AP1G1: variants seen among roughly 807,000 people sequenced by gnomAD.
AP1G1 encodes the protein AP-1 complex subunit gamma-1.
In AP1G1, 7 loss-of-function variants were observed where a neutral mutation model predicts 108.3. The observed-to-expected ratio is 0.06, with a 90% confidence interval of 0.04 to 0.12. AP1G1 has a LOEUF of 0.12. Among genes scored for constraint, AP1G1 ranks in the 10% least tolerant of loss-of-function variants. The pLI, the probability that AP1G1 is intolerant of heterozygous loss-of-function variation, is 1.00. For synonymous variants in AP1G1, 379 were observed against 353.5 expected, an observed-to-expected ratio of 1.07 and a Z score of -0.81; for missense variants, 756 against 1,010.7, an observed-to-expected ratio of 0.75 and a Z score of 3.42.
At chr16:71,736,098 C>CAAAAAAAAAAA (rs1213680207) in intron 21 of AP1G1, among the ~76,000 whole-genome samples, 263 of 25,406 alleles carry the variant, frequency 0.01, 47 homozygotes, top group East Asian at 0.012. Context: ...GACTCCATCT[C>CAAAAAAAAAAA]AAAAAAAAAA....
chr16:71,762,225 A>G (rs562442099), intron 9 of AP1G1, among the ~76,000 whole-genome samples: 1 of 152,216 alleles, frequency 6.6e-6, no homozygotes, highest in African/African-American at 2.4e-5. Flanking sequence ...CCTTGAAGAC[A>G]TTATGTTAAA....
chr16:71,800,606 C>A (rs1440744078), intron 1 of AP1G1, among the ~76,000 whole-genome samples: 17 of 150,904 alleles, frequency 1.1e-4, no homozygotes, highest in African/African-American at 4.2e-4. Context: ...TGGAGACCAT[C>A]CTGGCTAACA....
intron 6 of AP1G1, among the ~76,000 whole-genome samples, chr16:71,768,498 C>CTCAAAAAAAAAA (rs1555554271): frequency 2.0e-4 from 1 of 4,926 alleles, no homozygotes; most frequent in Non-Finnish European, 4.0e-4. Context: ...CAGACTCCGC[C>CTCAAAAAAAAAA]ACAAAAAAAA....
chr16:71,739,485 A>G, intron 19 of AP1G1, 144 bp from the exon 20 acceptor site: 1 of 615,284 alleles, frequency 1.6e-6, no homozygotes, highest in Non-Finnish European at 2.7e-6. Context: ...AAAGAGAAAG[A>G]ACTAAAAACT....
intron 19 of AP1G1, among the ~76,000 whole-genome samples, chr16:71,744,151 G>A (rs2030032048): frequency 6.6e-6 from 1 of 152,034 alleles, no homozygotes; most frequent in Non-Finnish European, 1.5e-5. Flanking sequence ...GGCTGAGGCA[G>A]AAGAATCGCT....
chr16:71,772,435 T>C (rs560837197), intron 4 of AP1G1, among the ~76,000 whole-genome samples: 27 of 152,214 alleles, frequency 1.8e-4, no homozygotes, highest in Non-Finnish European at 3.5e-4. Flanking sequence ...AGCCTATCTT[T>C]TTTTTCTAAC....
In AP1G1 at chr16:71,803,923, C is replaced by CAAA. The variant is rs534074123; in HGVS notation, c.-4+4837_-4+4839dup. ...TGGGCAACAGAGGAGGACTCCGTCTCAAAAAAAAAAAAAAAAAAGACACCT... is the reference window on the plus strand; with the variant it reads ...TGGGCAACAGAGGAGGACTCCGTCTCAAAAAAAAAAAAAAAAAAAAAGACACCT... On this transcript the variant is annotated intron_variant, in intron 1 of 22. Transcript: ENST00000299980. Among the ~76,000 whole-genome samples the CAAA allele has an allele frequency of 2.6e-3, 191 of 73,622 alleles. 3 individuals carry two copies. The South Asian group carries it at 0.027, about 10-fold the overall frequency. The allele number at this position is 73,622 out of a possible 152,430, so 48.3% of individuals were successfully genotyped here. A position where few individuals can be genotyped will look rare whatever the true frequency, so the allele number is the denominator to read the frequency against.
At chr16:71,792,096 T>C (rs2032424317) in intron 1 of AP1G1, among the ~76,000 whole-genome samples, 2 of 152,036 alleles carry the variant, frequency 1.3e-5, no homozygotes, top group Admixed American at 6.6e-5. Flanking sequence ...TGGCTGAAGG[T>C]AGTCTCACCT....
intron 2 of AP1G1, among the ~76,000 whole-genome samples, chr16:71,785,720 A>C (rs2032178856): frequency 6.6e-6 from 1 of 152,034 alleles, no homozygotes; most frequent in Non-Finnish European, 1.5e-5. Flanking sequence ...TCTCTACTAA[A>C]AACACAAAAA....
intron 4 of AP1G1, 94 bp from the exon 5 acceptor site, chr16:71,771,346 A>G (rs2031561528): frequency 1.5e-6 from 1 of 662,190 alleles, no homozygotes. Context: ...AAATCTCACC[A>G]ACTAGTTCAT....
At chr16:71,746,290 G>A (rs931212185) in intron 17 of AP1G1, among the ~76,000 whole-genome samples, 1 of 152,126 alleles carries the variant, frequency 6.6e-6, no homozygotes, top group Non-Finnish European at 1.5e-5. Flanking sequence ...GATTACAGGC[G>A]TGAGCCACCA....
chr16:71,745,904 C>T (rs937806193), intron 17 of AP1G1, among the ~76,000 whole-genome samples: 20 of 152,246 alleles, frequency 1.3e-4, no homozygotes, highest in Middle Eastern at 3.4e-3. Context: ...TAGGTATTAA[C>T]AGTCAAGAAG....
chr16:71,738,809 A>T, intron 21 of AP1G1, 133 bp downstream of exon 21: 2 of 800,854 alleles, frequency 2.5e-6, no homozygotes, highest in East Asian at 2.6e-5. Context: ...CATAAGCTAC[A>T]TTATTGTTAG....
intron 1 of AP1G1, chr16:71,808,404 G>C (rs980047481): frequency 4.7e-6 from 5 of 1,065,402 alleles, no homozygotes; most frequent in South Asian, 1.6e-5. Context: ...GCTCAGAGAA[G>C]ACACGCGGGG....
At chr16:71,789,507 G>A (rs974709473) in intron 1 of AP1G1, 25 bp from the exon 2 acceptor site, 1 of 1,601,380 alleles carries the variant, frequency 6.2e-7, no homozygotes, top group Non-Finnish European at 8.6e-7. Context: ...ACATTAAATA[G>A]AGATGTTCAC....
chr16:71,746,849 C>T, intron 16 of AP1G1, 157 bp from the exon 17 acceptor site: 4 of 561,428 alleles, frequency 7.1e-6, no homozygotes, highest in Non-Finnish European at 1.3e-5. Flanking sequence ...ACTTTACTTT[C>T]ATCCATTTAT....
intron 2 of AP1G1, among the ~76,000 whole-genome samples, chr16:71,778,464 C>T (rs1265976318): frequency 6.6e-6 from 1 of 152,014 alleles, no homozygotes; most frequent in Non-Finnish European, 1.5e-5. Flanking sequence ...GGGTGGACTG[C>T]CTGAGCTCAG....
chr16:71,772,304 T>C (rs1000656458), intron 4 of AP1G1, among the ~76,000 whole-genome samples: 15 of 152,118 alleles, frequency 9.9e-5, no homozygotes, highest in Admixed American at 5.2e-4. Context: ...ATTTTTTTTG[T>C]ATTTTTAGTA....
chr16:71,790,527 CAAAAAA>C (rs56380847), intron 1 of AP1G1, among the ~76,000 whole-genome samples: 1 of 104,840 alleles, frequency 9.5e-6, no homozygotes. Context: ...AACTCCATCT[CAAAAAA>C]AAAAAAAAAA....
Sources: allele counts gnomAD v4.1 joint callset (sites outside exome capture counted in the v4.1 genomes callset), GRCh38; gene constraint gnomAD v4.1.1; transcripts MANE v1.5; gene names NCBI Gene and HGNC (gene_info 2026-07-23, HGNC 2026-07-21).